Variants in ROBO2 observed in about 807,000 individuals in gnomAD.
ROBO2 encodes roundabout homolog 2.
Under a neutral mutation model 160.8 loss-of-function variants are expected in ROBO2, and 53 were observed. That is an observed-to-expected ratio of 0.33 (90% CI 0.26 to 0.41). ROBO2 has a LOEUF of 0.41. Among genes scored for constraint, ROBO2 ranks in the 10% least tolerant of loss-of-function variants. ROBO2 has a pLI of 1.00. For missense variants in ROBO2, 1,577 were observed against 1,722.4 expected (o/e 0.92, Z 1.49); for synonymous variants, 664 against 611.7 (o/e 1.09, Z -1.26).
chr3:77,032,780 C>T (rs1033826329), intron 2 of ROBO2, among the ~76,000 whole-genome samples: 3 of 151,062 alleles, frequency 2.0e-5, no homozygotes, highest in African/African-American at 7.4e-5. Context: ...TTCTATTTGG[C>T]CATCCAAAAA....
chr3:76,839,619 C>A (rs72898162), intron 2 of ROBO2, among the ~76,000 whole-genome samples: 102 of 152,244 alleles, frequency 6.7e-4, no homozygotes, highest in African/African-American at 2.4e-3. Context: ...TATTGGCCTG[C>A]AGTTTTCTTT....
At chr3:77,120,951 A>G (rs549343444) in intron 2 of ROBO2, among the ~76,000 whole-genome samples, 1 of 152,072 alleles carries the variant, frequency 6.6e-6, no homozygotes, top group South Asian at 2.1e-4. Flanking sequence ...TTTTATTATT[A>G]TTATTATTTT....
intron 2 of ROBO2, among the ~76,000 whole-genome samples, chr3:76,064,605 A>C (rs549935143): frequency 1.3e-5 from 2 of 152,322 alleles, no homozygotes; most frequent in East Asian, 3.9e-4. Flanking sequence ...AGATTTTTCT[A>C]ATAATTACTT....
chr3:76,901,318 A>T (rs571701946), intron 2 of ROBO2, among the ~76,000 whole-genome samples: 2 of 152,122 alleles, frequency 1.3e-5, no homozygotes, highest in African/African-American at 4.8e-5. Flanking sequence ...AGAATTTCGA[A>T]ATGTTTTATA....
chr3:76,427,370 G>C (rs1040696128), intron 2 of ROBO2, among the ~76,000 whole-genome samples: 14 of 152,072 alleles, frequency 9.2e-5, no homozygotes, highest in African/African-American at 3.4e-4. Flanking sequence ...GATCTGGAGA[G>C]CTATCAATGA....
intron 23 of ROBO2, chr3:77,632,565 T>C: frequency 6.5e-7 from 1 of 1,535,900 alleles, no homozygotes; most frequent in Non-Finnish European, 8.7e-7. Flanking sequence ...CAGATGGCTC[T>C]ATCTTTGCCA....
intron 2 of ROBO2, among the ~76,000 whole-genome samples, chr3:76,079,358 C>T (rs1436169421): frequency 6.6e-6 from 1 of 151,916 alleles, no homozygotes; most frequent in Non-Finnish European, 1.5e-5. Flanking sequence ...TCCCAATAAC[C>T]CTCATTTGAT....
intron 2 of ROBO2, among the ~76,000 whole-genome samples, chr3:77,395,003 C>T (rs1404170443): frequency 6.6e-6 from 1 of 152,158 alleles, no homozygotes; most frequent in Non-Finnish European, 1.5e-5. Flanking sequence ...AGAGTGTTTA[C>T]ATTCACAGAC....
chr3:76,083,529 G>C (rs1184316814), intron 2 of ROBO2, among the ~76,000 whole-genome samples: 1 of 152,034 alleles, frequency 6.6e-6, no homozygotes, highest in Non-Finnish European at 1.5e-5. Context: ...TGCTAGACTA[G>C]TTTGTGATTT....
At chr3:77,047,101 A>G (rs1281496454) in intron 1 of ROBO2, among the ~76,000 whole-genome samples, 2 of 152,202 alleles carry the variant, frequency 1.3e-5, no homozygotes, top group Non-Finnish European at 2.9e-5. Context: ...TTTGGTGGGC[A>G]AAAAGATTGG....
intron 2 of ROBO2, among the ~76,000 whole-genome samples, chr3:76,996,056 G>A (rs1206239460): frequency 6.6e-6 from 1 of 152,118 alleles, no homozygotes; most frequent in Non-Finnish European, 1.5e-5. Context: ...TATTGCCTAG[G>A]TTTTCTTTTA....
intron 2 of ROBO2, among the ~76,000 whole-genome samples, chr3:76,756,130 G>T (rs1467928803): frequency 6.6e-6 from 1 of 151,594 alleles, no homozygotes; most frequent in Non-Finnish European, 1.5e-5. Context: ...GATTTTCATG[G>T]TCTATTGGCC....
At chr3:76,264,777 G>A (rs1706995435) in intron 2 of ROBO2, among the ~76,000 whole-genome samples, 1 of 152,046 alleles carries the variant, frequency 6.6e-6, no homozygotes, top group Admixed American at 6.6e-5. Context: ...TGTAGTAGTA[G>A]CCCATACTAC....
chr3:75,971,571 A>C (rs2064995160), intron 2 of ROBO2, among the ~76,000 whole-genome samples: 1 of 151,520 alleles, frequency 6.6e-6, no homozygotes, highest in African/African-American at 2.4e-5. Context: ...CATAACTTTG[A>C]AATTTTGTGG....
intron 2 of ROBO2, among the ~76,000 whole-genome samples, chr3:77,364,086 GC>G (rs2070473090): frequency 6.6e-6 from 1 of 152,270 alleles, no homozygotes; most frequent in African/African-American, 2.4e-5. Context: ...GCCAGCAGGG[GC>G]TGACATCTTC....
chr3:76,191,673 G>A (rs1177067233), intron 2 of ROBO2, among the ~76,000 whole-genome samples: 3 of 151,822 alleles, frequency 2.0e-5, no homozygotes, highest in East Asian at 3.9e-4. Flanking sequence ...CTCTACAAGC[G>A]GTTTTTCTTT....
At chr3:77,257,225 C>T (rs2153322015) in intron 2 of ROBO2, among the ~76,000 whole-genome samples, 1 of 152,232 alleles carries the variant, frequency 6.6e-6, no homozygotes, top group South Asian at 2.1e-4. Context: ...CAGAATGGGG[C>T]CAAAGCAAGC....
At chr3:77,551,116 C>A in intron 8 of ROBO2, 127 bp downstream of exon 9, 1 of 1,031,810 alleles carries the variant, frequency 9.7e-7, no homozygotes, top group Non-Finnish European at 1.5e-6. Context: ...AAGTTTGAAT[C>A]CAGGTCACAT....
At chr3:76,397,860 C>T (rs1422294594) in intron 2 of ROBO2, among the ~76,000 whole-genome samples, 1 of 151,324 alleles carries the variant, frequency 6.6e-6, no homozygotes, top group Non-Finnish European at 1.5e-5. Flanking sequence ...AATAGGAACA[C>T]TTTTACACTG....
Sources: gnomAD v4.1 joint callset for allele counts (sites outside exome capture counted in the v4.1 genomes callset) on GRCh38, gnomAD v4.1.1 for gene constraint, MANE v1.5 for transcripts, NCBI Gene and HGNC (gene_info 2026-07-23, HGNC 2026-07-21) for gene names.